ZNF341: variants seen among roughly 807,000 people sequenced by gnomAD.
The protein encoded by ZNF341 is zinc finger protein 341.
In ZNF341, 52 loss-of-function variants were observed where a neutral mutation model predicts 87.7. The observed-to-expected ratio is 0.59, with a 90% confidence interval of 0.47 to 0.75. The LOEUF (loss-of-function observed/expected upper bound fraction) is 0.75, where lower values mean the gene tolerates loss of function less well. Ranked by LOEUF, ZNF341 falls within the 30% of genes least tolerant of loss-of-function variation. The pLI is 0.00. For synonymous variants in ZNF341, 459 were observed against 472.7 expected (o/e 0.97, Z 0.38); for missense variants, 977 against 1,145.9 (o/e 0.85, Z 2.13).
In ZNF341 at chr20:33,776,392, C is replaced by CT. The variant is rs1341206598; in HGVS notation, c.1623-4886dup. On this transcript the variant is annotated intron_variant, in intron 10 of 14. Coordinates refer to ENST00000375200, the MANE Select transcript of ZNF341 (RefSeq NM_001282933.2). ...ACAGGCATGAGCCACTGCACCTGGCCTTTTTTTTTTTTTGAGACAGGATCT... is the reference window on the plus strand; with the variant it reads ...ACAGGCATGAGCCACTGCACCTGGCCTTTTTTTTTTTTTTGAGACAGGATCT... Among the ~76,000 whole-genome samples the CT allele has an allele frequency of 4.7e-3, 662 of 139,824 alleles. 6 individuals are homozygous for CT. Among genetic ancestry groups the CT allele is most frequent in the African/African-American group, 0.014 (533 of 37,950 alleles). 91.7% of individuals were successfully genotyped at this position (139,824 alleles called of 152,430 possible).
chr20:33,752,108 G>GCC (rs11477069), intron 4 of ZNF341: 5,347 of 343,818 alleles, frequency 0.016, 48 homozygotes, highest in African/African-American at 0.019. Context: ...CTGCAAGCAA[G>GCC]CCCCCCCCCC....
At chr20:33,762,687 TCC>T (rs1157096561) in intron 8 of ZNF341, among the ~76,000 whole-genome samples, 1 of 152,076 alleles carries the variant, frequency 6.6e-6, no homozygotes, top group African/African-American at 2.4e-5. Context: ...TCTCCCCTTG[TCC>T]CCAGCCCCCC....
In ZNF341 at chr20:33,788,968, C is replaced by T. The variant is rs2019935180; in HGVS notation, c.1958C>T (p.Pro653Leu). The change falls in exon 13 of 15, where the codon CCT (proline) becomes CTT (leucine). Residue 653 changes from proline to leucine, a missense_variant. Pro to Leu is a moderately conservative substitution (Grantham distance 98, BLOSUM62 -3). This residue lies in a region of ZNF341 where 241 missense variants were observed against 335.0 expected (regional missense o/e 0.72). Transcript: ENST00000375200. ...IHEPFKKYKC[P>L]FSTHTGCSKE... ...GAGCCCTTCAAGAAATACAAATGCC[C>T]TTTCTCGTGAGTAGAGACTGCCATG... 6.2e-7 allele frequency: 1 copy of T among 1,613,334 alleles called. No individual in the cohort carries two copies. The highest frequency in any genetic ancestry group is 8.5e-7 in the Non-Finnish European group (1 of 1,179,676).
chr20:33,768,120 T>A (rs1414605553), intron 9 of ZNF341, among the ~76,000 whole-genome samples: 1 of 122,482 alleles, frequency 8.2e-6, no homozygotes, highest in South Asian at 2.8e-4. Context: ...GGAACCAGGA[T>A]CAAGTGTTTT....
chr20:33,747,628 AAAAAAAAAAAAAAAC>A lies in ZNF341; in HGVS notation c.340-1293_340-1279del, dbSNP rs1204546438. ...AGACTCCGTCTCAAAAAAAAAAAAAAAAAAAAAAAAAAAACACAGTCATTTTTCTCACTGCTTGAC... is the reference window on the plus strand; with the variant it reads ...AGACTCCGTCTCAAAAAAAAAAAAAAACAGTCATTTTTCTCACTGCTTGAC... On this transcript the variant is annotated intron_variant, in intron 3 of 14. Transcript: ENST00000375200. Among the ~76,000 whole-genome samples, 461 of 133,302 alleles carry A rather than the reference AAAAAAAAAAAAAAAC, an allele frequency of 3.5e-3. 24 individuals are homozygous for A. The highest frequency in any genetic ancestry group is 0.028 in the South Asian group (133 of 4,742). The allele number at this position is 133,302 out of a possible 152,430, so 87.5% of individuals were successfully genotyped here.
intron 4 of ZNF341, among the ~76,000 whole-genome samples, chr20:33,749,431 T>C: frequency 6.6e-6 from 1 of 152,170 alleles, no homozygotes; most frequent in East Asian, 1.9e-4. Context: ...TAGCTGAGAT[T>C]ACAGGCATGT....
chr20:33,783,176 ATAAAAG>A (rs1297079884), intron 11 of ZNF341, among the ~76,000 whole-genome samples: 3 of 124,074 alleles, frequency 2.4e-5, no homozygotes, highest in African/African-American at 6.9e-5. Flanking sequence ...AATAAAATAA[ATAAAAG>A]TAAAAAATTA....
chr20:33,748,988 G>A lies in ZNF341; in HGVS notation c.405G>A (p.Leu135=). ...LIQTLVQGNI[L]VSDDVLMSAM... is the part of the protein sequence containing the mutation. ...AGACCCTGGTGCAGGGGAACATCTTGGTGAGCGATGATGTGCTCATGTCTG... is the reference window on the plus strand; with the variant it reads ...AGACCCTGGTGCAGGGGAACATCTTAGTGAGCGATGATGTGCTCATGTCTG... The change falls in exon 4 of 15, where the codon TTG becomes TTA. Residue 135 remains leucine, a synonymous_variant. Coordinates refer to ENST00000375200, the MANE Select transcript of ZNF341 (RefSeq NM_001282933.2). The A allele has an allele frequency of 6.2e-7, 1 of 1,614,182 alleles. No individual in the cohort carries two copies. The highest frequency in any genetic ancestry group is 8.5e-7 in the Non-Finnish European group (1 of 1,180,026).
In ZNF341 at chr20:33,770,151, T is replaced by G. The variant is rs1228450353; in HGVS notation, c.1481T>G (p.Ile494Ser). The G allele has an allele frequency of 6.2e-7, 1 of 1,614,048 alleles. No homozygotes were observed. Among genetic ancestry groups the G allele is most frequent in the Non-Finnish European group, 8.5e-7 (1 of 1,180,016 alleles). The change falls in exon 10 of 15, where the codon ATC becomes AGC. Residue 494 changes from isoleucine (I) to serine (S), a missense_variant. Physicochemically the swap from Ile to Ser is moderately radical, Grantham distance 142. This residue lies in a region of ZNF341 where 241 missense variants were observed against 335.0 expected (regional missense o/e 0.72). Transcript: ENST00000375200. The stretch of plus-strand genomic sequence containing the variant: ...AAGCTCGACACATTTCTGGAGCACA[T>G]CAAGAGCCACCAGGAGGAGCTGAGC... ...FPKLDTFLEH[I>S]KSHQEELSYR...
chr20:33,771,018 A>T (rs976162079), intron 10 of ZNF341, among the ~76,000 whole-genome samples: 9 of 151,918 alleles, frequency 5.9e-5, no homozygotes, highest in African/African-American at 2.2e-4. Context: ...GCTACTTGGG[A>T]GGCTGAGGCA....
intron 4 of ZNF341, among the ~76,000 whole-genome samples, chr20:33,751,428 C>T (rs1452001610): frequency 6.6e-6 from 1 of 152,086 alleles, no homozygotes; most frequent in Non-Finnish European, 1.5e-5. Context: ...CTGGAGGAAT[C>T]CAGAGTTCTC....
intron 1 of ZNF341, among the ~76,000 whole-genome samples, chr20:33,733,772 A>G (rs918374175): frequency 1.3e-5 from 2 of 152,206 alleles, no homozygotes; most frequent in African/African-American, 4.8e-5. Context: ...ACTGACTGAG[A>G]CAGACACTCC....
At chr20:33,752,107 A>G in intron 4 of ZNF341, 1 of 378,476 alleles carries the variant, frequency 2.6e-6, no homozygotes, top group Non-Finnish European at 5.0e-6. Flanking sequence ...GCTGCAAGCA[A>G]GCCCCCCCCC....
At chr20:33,737,315 A>ATTTATTT (rs974432739) in intron 1 of ZNF341, among the ~76,000 whole-genome samples, 2 of 151,722 alleles carry the variant, frequency 1.3e-5, no homozygotes, top group Admixed American at 6.6e-5. Flanking sequence ...TTATTTATTT[A>ATTTATTT]TTTATTTTTT....
At chr20:33,744,913 C>G (rs977532006) in intron 2 of ZNF341, among the ~76,000 whole-genome samples, 190 bp from the exon 3 acceptor site, 2 of 152,142 alleles carry the variant, frequency 1.3e-5, no homozygotes, top group African/African-American at 4.8e-5. Flanking sequence ...TTCGAAAACT[C>G]CCAGGAAGCA....
At chr20:33,733,263 G>A (rs1005709021) in intron 1 of ZNF341, among the ~76,000 whole-genome samples, 8 of 149,090 alleles carry the variant, frequency 5.4e-5, no homozygotes, top group African/African-American at 2.0e-4. Flanking sequence ...CTGTTGCCCA[G>A]GCTGGAGTGC....
intron 7 of ZNF341, among the ~76,000 whole-genome samples, chr20:33,760,725 G>A (rs990331238): frequency 5.9e-5 from 9 of 151,548 alleles, no homozygotes; most frequent in Admixed American, 1.3e-4. Flanking sequence ...TGTATTTTTT[G>A]TAGAAACAGG....
intron 7 of ZNF341, 50 bp from the exon 8 acceptor site, chr20:33,761,812 G>A (rs1379823136): frequency 7.2e-7 from 1 of 1,392,560 alleles, no homozygotes. Flanking sequence ...CTGGGCTGAG[G>A]CCTCGTCCCC....
intron 9 of ZNF341, among the ~76,000 whole-genome samples, chr20:33,768,245 C>T (rs1159542694): frequency 6.6e-6 from 1 of 152,060 alleles, no homozygotes; most frequent in Non-Finnish European, 1.5e-5. Flanking sequence ...GCCTCAGCCT[C>T]CTGAGTAGCT....
Sources: allele counts gnomAD v4.1 joint callset (sites outside exome capture counted in the v4.1 genomes callset), GRCh38; gene constraint gnomAD v4.1.1; regional missense constraint gnomAD v4.1.1; transcripts MANE v1.5; gene names NCBI Gene and HGNC (gene_info 2026-07-23, HGNC 2026-07-21).